The following SYNJ2BP variants were observed in gnomAD, a reference collection of about 807,000 sequenced individuals.
SYNJ2BP encodes synaptojanin 2 binding protein, also known as synaptojanin-2-binding protein.
Under a neutral mutation model 16.9 loss-of-function variants are expected in SYNJ2BP, and 10 were observed. The ratio of observed to expected loss-of-function variants is 0.59; its 90% CI spans 0.36 to 1.00. The LOEUF (loss-of-function observed/expected upper bound fraction) is 1.00. SYNJ2BP is among the 50% of genes least tolerant of loss of function. The pLI, the probability that SYNJ2BP is intolerant of heterozygous loss-of-function variation, is 0.01. For missense variants in SYNJ2BP, 162 were observed against 186.7 expected (o/e 0.87, Z 0.77); for synonymous variants, 54 against 68.4 (o/e 0.79, Z 1.04).
At chr14:70,380,438 C>T (rs8022315) in intron 2 of SYNJ2BP, among the ~76,000 whole-genome samples, 132,993 of 152,100 alleles carry the variant, frequency 0.87, 58,209 homozygotes, top group East Asian at 0.93. Flanking sequence ...CCAAGGAGGG[C>T]GAATCATGAG....
chr14:70,393,141 T>C (rs1888014965), intron 1 of SYNJ2BP, among the ~76,000 whole-genome samples: 1 of 152,110 alleles, frequency 6.6e-6, no homozygotes, highest in Non-Finnish European at 1.5e-5. Flanking sequence ...CATCAAAAAG[T>C]GGGCAAAGGA....
At chr14:70,384,011 G>A (rs1193795690) in intron 2 of SYNJ2BP, among the ~76,000 whole-genome samples, 1 of 151,178 alleles carries the variant, frequency 6.6e-6, no homozygotes, top group African/African-American at 2.4e-5. Context: ...AGGCTGGAGT[G>A]CAGTGGCGCG....
chr14:70,387,377 G>A (rs1313293871), intron 2 of SYNJ2BP, among the ~76,000 whole-genome samples: 1 of 152,202 alleles, frequency 6.6e-6, no homozygotes, highest in East Asian at 1.9e-4. Flanking sequence ...GTTATATTTT[G>A]CATTTTAATA....
chr14:70,387,230 GT>G (rs1887878763), intron 2 of SYNJ2BP, among the ~76,000 whole-genome samples: 1 of 151,990 alleles, frequency 6.6e-6, no homozygotes, highest in African/African-American at 2.4e-5. Context: ...TTTTTCACTA[GT>G]CCTGAAGATT....
chr14:70,384,701 CT>C (rs1411164405), intron 2 of SYNJ2BP, among the ~76,000 whole-genome samples: 1 of 151,624 alleles, frequency 6.6e-6, no homozygotes, highest in Non-Finnish European at 1.5e-5. Context: ...GTGTCTGGCA[CT>C]TCCCCCTACT....
In SYNJ2BP at chr14:70,369,905, T is replaced by C. The variant is rs1887481519; in HGVS notation, c.*3086A>G. On this transcript the variant is annotated 3_prime_UTR_variant, in exon 4 of 4. Coordinates refer to ENST00000256366, the MANE Select transcript of SYNJ2BP (RefSeq NM_018373.3). ...GTAATAATTTAGGTAGTAGGAACAT[T>C]AGATGCAATCTATAGAAGAAATATT... 6.6e-6 allele frequency: 1 copy of C among 152,232 alleles called. No individual in the cohort carries two copies. The highest frequency in any genetic ancestry group is 1.5e-5 in the Non-Finnish European group (1 of 68,036). The allele number at this position is 152,232 out of a possible 1,614,324, so 9.4% of individuals were successfully genotyped here. A position where few individuals can be genotyped will look rare whatever the true frequency, so the allele number is the denominator to read the frequency against.
At chr14:70,392,148 T>TG (rs1236201897) in intron 1 of SYNJ2BP, among the ~76,000 whole-genome samples, 1 of 152,254 alleles carries the variant, frequency 6.6e-6, no homozygotes, top group African/African-American at 2.4e-5. Flanking sequence ...GATCACAAAC[T>TG]GGAGTTTTTC....
chr14:70,372,871 G>T lies in SYNJ2BP; in HGVS notation c.*120C>A. 1 of 1,419,144 alleles carries T rather than the reference G, an allele frequency of 7.0e-7. No homozygotes were observed. Among genetic ancestry groups the T allele is most frequent in the Non-Finnish European group, 9.5e-7 (1 of 1,048,958 alleles). 87.9% of individuals were successfully genotyped at this position (1,419,144 alleles called of 1,614,324 possible). ...GAGACTGTGAACAGCAAGGTTTGGG[G>T]TGGGTATCAGTCACTTCAAATCTGG... On this transcript the variant is annotated 3_prime_UTR_variant, in exon 4 of 4. Transcript: ENST00000256366.
intron 2 of SYNJ2BP, among the ~76,000 whole-genome samples, chr14:70,376,376 T>C (rs1439575644): frequency 1.3e-5 from 2 of 152,244 alleles, no homozygotes; most frequent in African/African-American, 4.8e-5. Flanking sequence ...CCTGTGATGA[T>C]ATAAATCCTT....
At chr14:70,383,219 C>A (rs1310334134) in intron 2 of SYNJ2BP, among the ~76,000 whole-genome samples, 1 of 152,148 alleles carries the variant, frequency 6.6e-6, no homozygotes, top group Non-Finnish European at 1.5e-5. Flanking sequence ...GATGATAAGG[C>A]AAAGATCCTT....
chr14:70,388,520 C>G lies in SYNJ2BP; in HGVS notation c.151G>C (p.Gly51Arg). The change falls in exon 2 of 4, where the codon GGG (glycine) becomes CGG (arginine). Residue 51 changes from glycine (G) to arginine (R), a missense_variant. By Grantham distance (125) the Gly-to-Arg change is moderately radical. Transcript: ENST00000256366. The stretch of plus-strand genomic sequence containing the variant: ...AGCCGCCCATCCAGGGCCGCAGCCC[C>G]ATTTTCTTTGATGCGGCTGACGTAG... The part of the protein sequence containing the change: ...GIYVSRIKEN[G>R]AAALDGRLQE... 1 of 1,599,222 alleles carries G rather than the reference C, an allele frequency of 6.3e-7. No individual in the cohort carries two copies. The highest frequency in any genetic ancestry group is 8.5e-7 in the Non-Finnish European group (1 of 1,173,194).
At chr14:70,410,239 AC>A (rs1364871923) in intron 1 of SYNJ2BP, among the ~76,000 whole-genome samples, 5 of 152,026 alleles carry the variant, frequency 3.3e-5, no homozygotes, top group Non-Finnish European at 5.9e-5. Flanking sequence ...ACATGGTGAA[AC>A]CCCGTCTCTA....
intron 1 of SYNJ2BP, among the ~76,000 whole-genome samples, chr14:70,399,494 C>T (rs1199141743): frequency 6.6e-6 from 1 of 152,184 alleles, no homozygotes; most frequent in East Asian, 1.9e-4. Context: ...AGGCTCCGGA[C>T]CTGGGGATGG....
intron 2 of SYNJ2BP, among the ~76,000 whole-genome samples, chr14:70,378,078 A>G (rs1887671069): frequency 7.0e-6 from 1 of 143,348 alleles, no homozygotes; most frequent in Non-Finnish European, 1.5e-5. Context: ...ATTTTCTCCT[A>G]TCTTGGCATA....
At chr14:70,404,797 T>C (rs1888313682) in intron 1 of SYNJ2BP, among the ~76,000 whole-genome samples, 1 of 152,182 alleles carries the variant, frequency 6.6e-6, no homozygotes, top group Non-Finnish European at 1.5e-5. Flanking sequence ...CATGGTAACT[T>C]TGTGTGGACA....
chr14:70,413,196 A>C (rs1888526642), intron 1 of SYNJ2BP, among the ~76,000 whole-genome samples: 1 of 152,246 alleles, frequency 6.6e-6, no homozygotes, highest in South Asian at 2.1e-4. Context: ...TAATCATAAA[A>C]TGAGCCAAAG....
intron 1 of SYNJ2BP, among the ~76,000 whole-genome samples, chr14:70,394,183 C>A (rs1308245745): frequency 6.6e-6 from 1 of 151,832 alleles, no homozygotes; most frequent in Non-Finnish European, 1.5e-5. Context: ...TAACACAACA[C>A]CTCCCTATAA....
intron 1 of SYNJ2BP, among the ~76,000 whole-genome samples, chr14:70,392,061 C>G (rs1049459724): frequency 1.3e-5 from 2 of 152,230 alleles, no homozygotes; most frequent in African/African-American, 4.8e-5. Context: ...GTAAAAATTA[C>G]TGATTGAATC....
At chr14:70,404,925 A>G (rs1336803038) in intron 1 of SYNJ2BP, among the ~76,000 whole-genome samples, 2 of 152,200 alleles carry the variant, frequency 1.3e-5, no homozygotes, top group Admixed American at 6.5e-5. Flanking sequence ...CAGGAGTTCA[A>G]GAACAACCTG....
Sources: allele counts gnomAD v4.1 joint callset (sites outside exome capture counted in the v4.1 genomes callset), GRCh38; gene constraint gnomAD v4.1.1; transcripts MANE v1.5; gene names NCBI Gene and HGNC (gene_info 2026-07-23, HGNC 2026-07-21).